ST6GALNAC3: variants seen among roughly 807,000 people sequenced by gnomAD.
The protein encoded by ST6GALNAC3 is alpha-N-acetylgalactosaminide alpha-2,6-sialyltransferase 3.
In ST6GALNAC3, 25 loss-of-function variants were observed where a neutral mutation model predicts 32.7. The ratio of observed to expected loss-of-function variants is 0.76; its 90% CI spans 0.56 to 1.07. The LOEUF is 1.07. ST6GALNAC3 is among the 50% of genes least tolerant of loss of function. The probability of loss-of-function intolerance (pLI) is 0.00; values close to 1 mark genes in which losing one functional copy is unlikely to be tolerated. For missense variants in ST6GALNAC3, 355 were observed against 382.4 expected (o/e 0.93, Z 0.60); for synonymous variants, 129 against 133.1 (o/e 0.97, Z 0.21).
rs1316462848 is a variant in ST6GALNAC3 at position 76,382,368 on chromosome 1, CAGAT to C, written c.214-29639_214-29636del. ...TTAATATGTGTAAGAAAATAGATATCAGATTGATTATTTCACAACTGGAATCTGT... is the reference window on the plus strand; with the variant it reads ...TTAATATGTGTAAGAAAATAGATATCTGATTATTTCACAACTGGAATCTGT... On this transcript the variant is annotated intron_variant, in intron 2 of 4. Transcript: ENST00000328299. 2.0e-5 allele frequency among the ~76,000 whole-genome samples: 3 copies of C among 152,164 alleles called. No individual in the cohort carries two copies. In the East Asian group the frequency reaches 5.8e-4, roughly 29 times the overall value.
At chr1:76,573,433 G>A (rs1185546575) in intron 3 of ST6GALNAC3, among the ~76,000 whole-genome samples, 1 of 152,078 alleles carries the variant, frequency 6.6e-6, no homozygotes, top group African/African-American at 2.4e-5. Flanking sequence ...AGCAGGGTCT[G>A]TGTGTGAATT....
In ST6GALNAC3 at chr1:76,631,655, A is replaced by G. The variant is rs1649304875; in HGVS notation, c.*2849A>G. ...ATTTAACTGAACTTACTTATCACTG[A>G]TGTGTATTTATCCCAGAAATTAATT... On this transcript the variant is annotated 3_prime_UTR_variant, in exon 5 of 5. Coordinates refer to ENST00000328299, the MANE Select transcript of ST6GALNAC3 (RefSeq NM_152996.4). The G allele has an allele frequency of 6.6e-6, 1 of 152,084 alleles. No individual in the cohort carries two copies. The highest frequency in any genetic ancestry group is 2.4e-5 in the African/African-American group (1 of 41,426). The allele number at this position is 152,084 out of a possible 1,614,324, so 9.4% of individuals were successfully genotyped here. A position where few individuals can be genotyped will look rare whatever the true frequency, so the allele number is the denominator to read the frequency against.
intron 1 of ST6GALNAC3, among the ~76,000 whole-genome samples, chr1:76,207,579 T>C (rs566967939): frequency 8.0e-4 from 122 of 152,310 alleles, no homozygotes; most frequent in Middle Eastern, 3.4e-3. Context: ...ACATGTGAGA[T>C]AGAAATGGGA....
chr1:76,624,749 G>A (rs1259654674), intron 3 of ST6GALNAC3, among the ~76,000 whole-genome samples: 1 of 151,828 alleles, frequency 6.6e-6, no homozygotes, highest in Non-Finnish European at 1.5e-5. Flanking sequence ...CAGTGTAAAG[G>A]AGGGAATCAT....
chr1:76,585,899 C>A (rs1051821856), intron 3 of ST6GALNAC3, among the ~76,000 whole-genome samples: 2 of 152,112 alleles, frequency 1.3e-5, no homozygotes, highest in Non-Finnish European at 2.9e-5. Flanking sequence ...GCCTGGAATA[C>A]CCTGCCACCT....
Position 76,088,680 on chromosome 1 carries a change from G to A in ST6GALNAC3, c.18+13796G>A, listed in dbSNP as rs1299467980. On this transcript the variant is annotated intron_variant, in intron 1 of 4. Transcript: ENST00000328299. ...TCTTTTAAAAAGTAAATAAGATCAT[G>A]GCAGCCTATTTGTTTGTTGATCTGT... 6.6e-5 allele frequency among the ~76,000 whole-genome samples: 10 copies of A among 152,192 alleles called. No individual in the cohort carries two copies. In the East Asian group the frequency reaches 1.9e-3, roughly 29 times the overall value.
chr1:76,222,642 C>G (rs1655839982), intron 1 of ST6GALNAC3, among the ~76,000 whole-genome samples: 1 of 151,522 alleles, frequency 6.6e-6, no homozygotes. Flanking sequence ...GCACATGTAC[C>G]CTAAAACTTA....
chr1:76,423,810 T>C (rs1203213505), intron 3 of ST6GALNAC3, among the ~76,000 whole-genome samples: 4 of 152,000 alleles, frequency 2.6e-5, no homozygotes, highest in African/African-American at 9.7e-5. Context: ...GAAATTTTCT[T>C]GAACTTTTGT....
chr1:76,225,522 C>A (rs1656017337), intron 1 of ST6GALNAC3, among the ~76,000 whole-genome samples: 1 of 152,110 alleles, frequency 6.6e-6, no homozygotes, highest in Non-Finnish European at 1.5e-5. Flanking sequence ...TGCCCCAACC[C>A]CACCAACCCA....
In ST6GALNAC3 at chr1:76,628,999, C is replaced by T; in HGVS notation, c.*193C>T. ...TGGCATTTCATGGAGGATGGTTGTG[C>T]TCATGATGTTCTTTCTGGAGGTTCA... On this transcript the variant is annotated 3_prime_UTR_variant, in exon 5 of 5. Transcript: ENST00000328299. The T allele has an allele frequency of 2.2e-6, 3 of 1,391,186 alleles. No homozygotes were observed. The highest frequency in any genetic ancestry group is 1.9e-6 in the Non-Finnish European group (2 of 1,078,960). 86.2% of individuals were successfully genotyped at this position (1,391,186 alleles called of 1,614,324 possible).
intron 3 of ST6GALNAC3, among the ~76,000 whole-genome samples, chr1:76,475,256 T>A (rs1434558000): frequency 1.3e-5 from 2 of 152,192 alleles, no homozygotes; most frequent in African/African-American, 2.4e-5. Flanking sequence ...TTACGCTCTG[T>A]GGTCAGCAAG....
Position 76,210,484 on chromosome 1 carries a change from C to A in ST6GALNAC3, c.19-103321C>A, listed in dbSNP as rs539977255. ...GTCTAATATCTATTTGCCTGGACAC[C>A]TGTACTAACATAATATGATTCTTTT... On this transcript the variant is annotated intron_variant, in intron 1 of 4. Transcript: ENST00000328299. Among the ~76,000 whole-genome samples, 5 of 152,286 alleles carry A rather than the reference C, an allele frequency of 3.3e-5. No homozygotes were observed. In the East Asian group the frequency reaches 7.7e-4, roughly 24 times the overall value.
intron 3 of ST6GALNAC3, among the ~76,000 whole-genome samples, chr1:76,611,962 T>G (rs1647965796): frequency 6.6e-6 from 1 of 152,198 alleles, no homozygotes; most frequent in Admixed American, 6.5e-5. Flanking sequence ...CAGCTGTACT[T>G]TCTCAGTTCC....
chr1:76,150,312 T>C (rs2100326404), intron 1 of ST6GALNAC3, among the ~76,000 whole-genome samples: 1 of 152,312 alleles, frequency 6.6e-6, no homozygotes, highest in East Asian at 1.9e-4. Flanking sequence ...CTTTCCTCTT[T>C]AACCTTTTAT....
downstream of ST6GALNAC3, chr1:76,637,092 C>T (rs1230218798): frequency 3.9e-5 from 6 of 152,294 alleles, no homozygotes; most frequent in East Asian, 7.7e-4. Flanking sequence ...TACGATCATA[C>T]AGTGTACACC....
intron 1 of ST6GALNAC3, among the ~76,000 whole-genome samples, chr1:76,110,805 C>CT (rs1213115358): frequency 6.6e-6 from 1 of 152,120 alleles, no homozygotes; most frequent in African/African-American, 2.4e-5. Context: ...GGAGAATTGC[C>CT]TTTGTGTGGG....
intron 3 of ST6GALNAC3, among the ~76,000 whole-genome samples, chr1:76,467,671 T>C (rs1658729850): frequency 6.6e-6 from 1 of 152,028 alleles, no homozygotes; most frequent in Non-Finnish European, 1.5e-5. Flanking sequence ...GATGTTGGAA[T>C]AATAGACAAT....
At chr1:76,334,494 C>G (rs1015004737) in intron 2 of ST6GALNAC3, among the ~76,000 whole-genome samples, 11 of 152,154 alleles carry the variant, frequency 7.2e-5, no homozygotes, top group Non-Finnish European at 1.3e-4. Context: ...GATACATACA[C>G]CCAACAAAAG....
chr1:76,270,507 CAAAAAAAAAAA>C (rs34410935), intron 1 of ST6GALNAC3, among the ~76,000 whole-genome samples: 15 of 64,128 alleles, frequency 2.3e-4, no homozygotes, highest in South Asian at 7.7e-4. Context: ...AACTCTGTCT[CAAAAAAAAAAA>C]AAAAAAAAAA....
Sources: allele counts gnomAD v4.1 joint callset (sites outside exome capture counted in the v4.1 genomes callset), GRCh38; gene constraint gnomAD v4.1.1; transcripts MANE v1.5; gene names NCBI Gene and HGNC (gene_info 2026-07-23, HGNC 2026-07-21).